Variants in EYS observed in about 807,000 individuals in gnomAD.
EYS encodes protein eyes shut homolog.
In EYS, 250 loss-of-function variants were observed where a neutral mutation model predicts 282.1. The observed-to-expected ratio is 0.89, with a 90% CI of 0.80 to 0.98. EYS has a LOEUF of 0.98. EYS is among the 50% of genes least tolerant of loss of function. EYS has a pLI of 0.00. For missense variants in EYS, 4,016 were observed against 3,709.0 expected (o/e 1.08, Z -2.15); for synonymous variants, 1,355 against 1,282.9 (o/e 1.06, Z -1.20).
intron 16 of EYS, among the ~76,000 whole-genome samples, chr6:64,907,338 T>C (rs1767861312): frequency 6.6e-6 from 1 of 152,168 alleles, no homozygotes; most frequent in Admixed American, 6.5e-5. Flanking sequence ...GTGTGAGCTA[T>C]TGTGCCTGGC....
At chr6:64,643,110 C>T (rs990565507) in intron 22 of EYS, among the ~76,000 whole-genome samples, 1 of 71,938 alleles carries the variant, frequency 1.4e-5, no homozygotes, top group Non-Finnish European at 3.2e-5. Context: ...AGTGAAACTC[C>T]ATCCCCCCCC....
At chr6:63,924,830 G>A (rs1019877189) in intron 35 of EYS, among the ~76,000 whole-genome samples, 8 of 152,102 alleles carry the variant, frequency 5.3e-5, no homozygotes, top group Non-Finnish European at 1.2e-4. Flanking sequence ...CCTCTTTGGT[G>A]CATAACAGAA....
At chr6:65,546,970 T>A (rs1768415949) in intron 2 of EYS, among the ~76,000 whole-genome samples, 1 of 152,044 alleles carries the variant, frequency 6.6e-6, no homozygotes, top group Admixed American at 6.6e-5. Context: ...TTCAGAGTTA[T>A]AAATAGCTTA....
At chr6:64,519,092 GT>G (rs1337649272) in intron 26 of EYS, among the ~76,000 whole-genome samples, 1 of 151,762 alleles carries the variant, frequency 6.6e-6, no homozygotes, top group East Asian at 1.9e-4. Flanking sequence ...CTCCAGGAAG[GT>G]TGCTGTGGAA....
chr6:64,095,124 T>G (rs1349239822), intron 31 of EYS, among the ~76,000 whole-genome samples: 6 of 152,188 alleles, frequency 3.9e-5, no homozygotes, highest in Non-Finnish European at 8.8e-5. Flanking sequence ...AGAGACAGTT[T>G]GTTATAATTT....
intron 19 of EYS, among the ~76,000 whole-genome samples, chr6:64,830,495 A>C (rs1480881284): frequency 6.6e-6 from 1 of 151,986 alleles, no homozygotes; most frequent in Non-Finnish European, 1.5e-5. Flanking sequence ...TAGGAGATTA[A>C]CTGTCAGGCA....
intron 35 of EYS, among the ~76,000 whole-genome samples, chr6:63,970,875 T>C (rs1290509741): frequency 6.6e-6 from 1 of 152,164 alleles, no homozygotes; most frequent in African/African-American, 2.4e-5. Flanking sequence ...AATGGTAAAA[T>C]CATGACTCCT....
At chr6:65,702,048 C>T (rs1000008591) in intron 1 of EYS, among the ~76,000 whole-genome samples, 1 of 152,138 alleles carries the variant, frequency 6.6e-6, no homozygotes, top group African/African-American at 2.4e-5. Flanking sequence ...CTGACATGTG[C>T]TTAACAAATC....
chr6:65,599,237 T>C (rs1038438892), intron 2 of EYS, among the ~76,000 whole-genome samples: 40 of 152,128 alleles, frequency 2.6e-4, no homozygotes, highest in African/African-American at 9.4e-4. Context: ...GAAAAAAATC[T>C]GCATATAAAT....
intron 35 of EYS, among the ~76,000 whole-genome samples, chr6:63,922,116 T>C (rs759772706): frequency 9.9e-5 from 15 of 152,216 alleles, no homozygotes; most frequent in Admixed American, 3.9e-4. Context: ...CCAGCCATTC[T>C]GGCAACCTGA....
chr6:65,591,789 C>T (rs1765243913), intron 2 of EYS, among the ~76,000 whole-genome samples: 1 of 151,930 alleles, frequency 6.6e-6, no homozygotes, highest in South Asian at 2.1e-4. Flanking sequence ...GACTTATATA[C>T]TCTCTCATAA....
intron 5 of EYS, among the ~76,000 whole-genome samples, chr6:65,457,115 C>T (rs1764650012): frequency 2.0e-5 from 3 of 151,996 alleles, no homozygotes; most frequent in African/African-American, 7.2e-5. Context: ...TGATAGAAGA[C>T]TCTCCAAGGT....
intron 33 of EYS, among the ~76,000 whole-genome samples, chr6:64,050,151 G>A (rs978521900): frequency 6.6e-5 from 10 of 152,110 alleles, no homozygotes; most frequent in Middle Eastern, 3.2e-3. Flanking sequence ...ATATATTTAT[G>A]TTCATATCCA....
intron 35 of EYS, among the ~76,000 whole-genome samples, chr6:63,901,441 G>T (rs562798130): frequency 2.0e-5 from 3 of 152,104 alleles, no homozygotes; most frequent in African/African-American, 7.2e-5. Flanking sequence ...GCAAATAAAG[G>T]CCCCTAGAAC....
chr6:64,340,350 A>G (rs1403593929), intron 29 of EYS, among the ~76,000 whole-genome samples: 1 of 151,902 alleles, frequency 6.6e-6, no homozygotes, highest in Non-Finnish European at 1.5e-5. Flanking sequence ...ACAAAATAGC[A>G]TGACACTAGT....
chr6:64,702,316 A>G (rs1328810641), intron 22 of EYS, among the ~76,000 whole-genome samples: 1 of 152,134 alleles, frequency 6.6e-6, no homozygotes, highest in African/African-American at 2.4e-5. Flanking sequence ...TTTCTAAGTT[A>G]AAAGACAAGA....
chr6:64,351,097 T>A (rs1276926519), intron 29 of EYS, among the ~76,000 whole-genome samples: 1 of 150,772 alleles, frequency 6.6e-6, no homozygotes, highest in Non-Finnish European at 1.5e-5. Context: ...TTACCCAGCC[T>A]CAGGTATTTC....
At chr6:64,308,024 T>A (rs997460552) in intron 29 of EYS, among the ~76,000 whole-genome samples, 3 of 151,986 alleles carry the variant, frequency 2.0e-5, no homozygotes, top group Non-Finnish European at 2.9e-5. Context: ...GAAGAAAAGC[T>A]AATACACTCA....
chr6:64,862,196 G>C lies in EYS; in HGVS notation c.2992+24501C>G, dbSNP rs192509857. On this transcript the variant is annotated intron_variant, in intron 19 of 42. Coordinates refer to ENST00000503581, the MANE Select transcript of EYS (RefSeq NM_001142800.2). ...CTATTCTTGTTTTCCTATAGGTGAG[G>C]TGGTCTTTCATTTCCCCCTCTGGGT... Among the ~76,000 whole-genome samples, 465 of 152,254 alleles carry C rather than the reference G, an allele frequency of 3.1e-3. 10 individuals carry two copies. Among genetic ancestry groups the C allele is most frequent in the Admixed American group, 0.023 (355 of 15,296 alleles).
Sources: allele counts gnomAD v4.1 joint callset (sites outside exome capture counted in the v4.1 genomes callset), GRCh38; gene constraint gnomAD v4.1.1; transcripts MANE v1.5; gene names NCBI Gene and HGNC (gene_info 2026-07-23, HGNC 2026-07-21).